PRKAR1B: variants seen among roughly 807,000 people sequenced by gnomAD.
The protein encoded by PRKAR1B is cAMP-dependent protein kinase type I-beta regulatory subunit.
Under a neutral mutation model 46.5 loss-of-function variants are expected in PRKAR1B, and 22 were observed. That is an observed-to-expected ratio of 0.47 (90% CI 0.34 to 0.68). PRKAR1B has a LOEUF of 0.68. Ranked by LOEUF, PRKAR1B falls within the 30% of genes least tolerant of loss-of-function variation. The pLI is 0.01. For missense variants in PRKAR1B, 445 were observed against 535.6 expected (o/e 0.83, Z 1.67); for synonymous variants, 259 against 217.7 (o/e 1.19, Z -1.67).
At chr7:710,677 G>T (rs561742022) in intron 2 of PRKAR1B, among the ~76,000 whole-genome samples, 19 of 132,924 alleles carry the variant, frequency 1.4e-4, no homozygotes, top group Middle Eastern at 4.1e-3. Flanking sequence ...ACGGAGTCTC[G>T]CTCTGTCGCC....
At chr7:556,676 A>C (rs1778462317) in intron 9 of PRKAR1B, among the ~76,000 whole-genome samples, 1 of 152,188 alleles carries the variant, frequency 6.6e-6, no homozygotes, top group South Asian at 2.1e-4. Flanking sequence ...CCGAGGCCAG[A>C]GGAAGGTGTT....
chr7:691,573 C>T, intron 2 of PRKAR1B: 1 of 1,304,480 alleles, frequency 7.7e-7, no homozygotes, highest in South Asian at 1.2e-5. Flanking sequence ...CTTCCGCCTA[C>T]ACGCAGTCCT....
intron 7 of PRKAR1B, among the ~76,000 whole-genome samples, chr7:586,177 G>A (rs1028183429): frequency 2.8e-4 from 42 of 152,288 alleles, no homozygotes; most frequent in African/African-American, 8.9e-4. Flanking sequence ...CAGACTCCCA[G>A]AGCGTGAGAA....
intron 4 of PRKAR1B, among the ~76,000 whole-genome samples, chr7:626,893 AT>A (rs1420858960): frequency 6.6e-6 from 1 of 151,772 alleles, no homozygotes; most frequent in Non-Finnish European, 1.5e-5. Context: ...TTATTTATTT[AT>A]TAAGATGGAG....
intron 4 of PRKAR1B, among the ~76,000 whole-genome samples, chr7:673,056 A>AAAC (rs1278679476): frequency 7.7e-6 from 1 of 130,018 alleles, no homozygotes; most frequent in Non-Finnish European, 1.6e-5. Context: ...AAAAAAAAAA[A>AAAC]AAAAAAAAAA....
At position 623,843 on chromosome 7, in the gene PRKAR1B, C is replaced by T. The variant is rs1483968714; in HGVS notation, c.441-16391G>A. Among the ~76,000 whole-genome samples, 6 of 152,190 alleles carry T rather than the reference C, an allele frequency of 3.9e-5. No individual in the cohort carries two copies. The East Asian group carries it at 1.2e-3, about 29-fold the overall frequency. On this transcript the variant is annotated intron_variant, in intron 4 of 10. Coordinates refer to ENST00000537384, the MANE Select transcript of PRKAR1B (RefSeq NM_001164760.2). Reference sequence around the variant, plus strand: ...ATTGGAGAGAGAAGCGCGTGAATGGCCAGGGTTCAGGGTATGGAATGAACC... The same window carrying T: ...ATTGGAGAGAGAAGCGCGTGAATGGTCAGGGTTCAGGGTATGGAATGAACC...
intron 4 of PRKAR1B, among the ~76,000 whole-genome samples, chr7:651,103 TG>T (rs1784880964): frequency 6.6e-6 from 1 of 152,190 alleles, no homozygotes; most frequent in South Asian, 2.1e-4. Context: ...GTCTGGAATT[TG>T]GGGGCTGCTC....
chr7:690,173 G>A (rs9768613), intron 2 of PRKAR1B, among the ~76,000 whole-genome samples: 18,939 of 151,794 alleles, frequency 0.12, 1,303 homozygotes, highest in South Asian at 0.21. Flanking sequence ...GTGTGCTCCT[G>A]TAATCCCAGC....
chr7:705,755 T>G (rs147270745), intron 2 of PRKAR1B, among the ~76,000 whole-genome samples: 1 of 152,074 alleles, frequency 6.6e-6, no homozygotes, highest in African/African-American at 2.4e-5. Flanking sequence ...AGGCGGGCAC[T>G]GTGGCTCACG....
chr7:591,904 A>G (rs1780996715), intron 7 of PRKAR1B, among the ~76,000 whole-genome samples: 1 of 152,178 alleles, frequency 6.6e-6, no homozygotes, highest in Non-Finnish European at 1.5e-5. Context: ...GAAGCCCACC[A>G]GAAAGCCAGC....
At chr7:669,928 C>G (rs936600747) in intron 4 of PRKAR1B, among the ~76,000 whole-genome samples, 1 of 140,404 alleles carries the variant, frequency 7.1e-6, no homozygotes, top group African/African-American at 2.7e-5. Flanking sequence ...TGCAGTGGCA[C>G]GATCTCAGCT....
intron 9 of PRKAR1B, among the ~76,000 whole-genome samples, chr7:573,716 G>A (rs893534845): frequency 1.3e-5 from 2 of 152,222 alleles, no homozygotes; most frequent in Non-Finnish European, 2.9e-5. Context: ...CGTCAACCAG[G>A]GAGTGGACAG....
intron 1 of PRKAR1B, among the ~76,000 whole-genome samples, chr7:721,199 C>T (rs1359685461): frequency 2.0e-5 from 3 of 152,196 alleles, no homozygotes; most frequent in Non-Finnish European, 2.9e-5. Flanking sequence ...CCTCCACATA[C>T]ATCACACACC....
intron 1 of PRKAR1B, chr7:712,829 G>C (rs182801847): frequency 1.3e-5 from 2 of 150,182 alleles, no homozygotes; most frequent in Non-Finnish European, 2.9e-5. Context: ...CGACCACCGC[G>C]GCTGCCTGAG....
intron 9 of PRKAR1B, among the ~76,000 whole-genome samples, chr7:558,286 A>G (rs1190548780): frequency 7.0e-6 from 1 of 142,874 alleles, no homozygotes; most frequent in Non-Finnish European, 1.5e-5. Flanking sequence ...TGATTGTACC[A>G]CTGCACTCCA....
At chr7:572,781 G>A (rs1203424163) in intron 9 of PRKAR1B, among the ~76,000 whole-genome samples, 3 of 152,198 alleles carry the variant, frequency 2.0e-5, no homozygotes, top group Non-Finnish European at 4.4e-5. Flanking sequence ...CGGGAGCTCC[G>A]TGGCCCTACA....
intron 9 of PRKAR1B, among the ~76,000 whole-genome samples, chr7:557,773 G>C (rs939069019): frequency 6.6e-6 from 1 of 152,188 alleles, no homozygotes; most frequent in African/African-American, 2.4e-5. Flanking sequence ...CTGCCACGAG[G>C]CAGCACAGAC....
chr7:601,063 G>A (rs577816042), intron 6 of PRKAR1B, among the ~76,000 whole-genome samples: 3 of 152,170 alleles, frequency 2.0e-5, no homozygotes, highest in Non-Finnish European at 4.4e-5. Context: ...TGCAGAAGTG[G>A]GTGACGTCCA....
intron 8 of PRKAR1B, among the ~76,000 whole-genome samples, chr7:582,996 C>A (rs544726562): frequency 1.3e-5 from 2 of 152,162 alleles, no homozygotes; most frequent in African/African-American, 4.8e-5. Context: ...TCCATTCCCA[C>A]GAAACGTCCC....
Sources: gnomAD v4.1 joint callset for allele counts (sites outside exome capture counted in the v4.1 genomes callset) on GRCh38, gnomAD v4.1.1 for gene constraint, MANE v1.5 for transcripts, NCBI Gene and HGNC (gene_info 2026-07-23, HGNC 2026-07-21) for gene names.